The following AGO2 variants were observed in gnomAD, a reference collection of about 807,000 sequenced individuals.
AGO2 encodes protein argonaute-2.
In AGO2, 5 loss-of-function variants were observed where a neutral mutation model predicts 102.3. The observed-to-expected ratio is 0.05, with a 90% confidence interval of 0.03 to 0.10. The LOEUF (loss-of-function observed/expected upper bound fraction) is 0.10, where lower values mean the gene tolerates loss of function less well. AGO2 is among the 10% of genes least tolerant of loss of function. The pLI is 1.00. For missense variants in AGO2, 541 were observed against 1,183.7 expected, an observed-to-expected ratio of 0.46 and a Z score of 7.97; for synonymous variants, 449 against 473.1, an observed-to-expected ratio of 0.95 and a Z score of 0.66.
intron 1 of AGO2, among the ~76,000 whole-genome samples, chr8:140,585,727 G>A (rs2073645768): frequency 6.6e-6 from 1 of 152,042 alleles, no homozygotes; most frequent in South Asian, 2.1e-4. Context: ...GTTTTCAGTG[G>A]CTCCATATTA....
intron 1 of AGO2, among the ~76,000 whole-genome samples, chr8:140,633,125 A>C (rs1257659821): frequency 2.6e-5 from 4 of 152,070 alleles, no homozygotes; most frequent in East Asian, 1.9e-4. Context: ...GTTGGCCAGG[A>C]TGGTCTCGAT....
intron 1 of AGO2, among the ~76,000 whole-genome samples, chr8:140,626,320 A>G (rs2074276023): frequency 6.6e-6 from 1 of 152,196 alleles, no homozygotes; most frequent in Non-Finnish European, 1.5e-5. Flanking sequence ...TATCAGAGAT[A>G]AGCCTTTTTA....
intron 4 of AGO2, among the ~76,000 whole-genome samples, chr8:140,561,260 C>A (rs970039135): frequency 6.6e-6 from 1 of 152,262 alleles, no homozygotes. Flanking sequence ...AGGGAAAACA[C>A]GCTGTGAGCC....
At chr8:140,558,112 G>A (rs75732615) in intron 7 of AGO2, among the ~76,000 whole-genome samples, 1,581 of 152,312 alleles carry the variant, frequency 0.01, 10 homozygotes, top group Non-Finnish European at 0.017. Context: ...TGCTCTTGCC[G>A]TAATGATGGG....
chr8:140,551,287 C>T lies in AGO2; in HGVS notation c.1403+16G>A, dbSNP rs750620698. 6.6e-7 allele frequency: 1 copy of T among 1,507,302 alleles called. No individual in the cohort carries two copies. Among genetic ancestry groups the T allele is most frequent in the Admixed American group, 2.0e-5 (1 of 51,244 alleles). The allele number at this position is 1,507,302 out of a possible 1,614,324, so 93.4% of individuals were successfully genotyped here. The stretch of plus-strand genomic sequence containing the variant: ...CAGCACCCCCAGGCCGGAGCCTCTG[C>T]CTGTGGGGGGCTTACTTCAGATGGA... On this transcript the variant is annotated intron_variant, in intron 11 of 18. Transcript: ENST00000220592.
intron 1 of AGO2, among the ~76,000 whole-genome samples, chr8:140,618,870 G>T (rs982807377): frequency 8.7e-5 from 13 of 149,004 alleles, no homozygotes; most frequent in East Asian, 2.0e-4. Context: ...ATTACAGGTG[G>T]TTTTTTTTTT....
At chr8:140,569,504 A>G (rs1307311953) in intron 3 of AGO2, among the ~76,000 whole-genome samples, 3 of 152,226 alleles carry the variant, frequency 2.0e-5, no homozygotes, top group African/African-American at 7.2e-5. Context: ...GTTCCTAAAC[A>G]GTGCTCCTTC....
chr8:140,577,132 C>T (rs929206548), intron 2 of AGO2, among the ~76,000 whole-genome samples: 18 of 139,860 alleles, frequency 1.3e-4, no homozygotes, highest in Admixed American at 2.5e-4. Context: ...GGCGTGAACC[C>T]GGGAGGCGGA....
chr8:140,597,495 G>A (rs1427733524), intron 1 of AGO2, among the ~76,000 whole-genome samples: 5 of 23,108 alleles, frequency 2.2e-4, no homozygotes, highest in Admixed American at 8.7e-4. Context: ...CCCGCCCCAG[G>A]CCTCCCTGCC....
intron 1 of AGO2, among the ~76,000 whole-genome samples, chr8:140,600,700 A>C (rs1165462000): frequency 1.3e-5 from 2 of 150,540 alleles, no homozygotes; most frequent in East Asian, 3.9e-4. Context: ...AAAAAATCCA[A>C]AACACGCTCT....
In AGO2 at chr8:140,620,985, C is replaced by T. The variant is rs1405344266; in HGVS notation, c.22+14500G>A. Among the ~76,000 whole-genome samples the T allele has an allele frequency of 2.6e-5, 4 of 152,304 alleles. No homozygotes were observed. The East Asian group carries it at 7.7e-4, about 29-fold the overall frequency. On this transcript the variant is annotated intron_variant, in intron 1 of 18. Coordinates refer to ENST00000220592, the MANE Select transcript of AGO2 (RefSeq NM_012154.5). ...CTGGAGTGCAATGGCATGATCACAG[C>T]TCACTGCAGCCTGGACCCCTGGGTT...
chr8:140,633,235 A>G (rs2074363649), intron 1 of AGO2, among the ~76,000 whole-genome samples: 1 of 152,232 alleles, frequency 6.6e-6, no homozygotes, highest in South Asian at 2.1e-4. Flanking sequence ...TATAAGATTA[A>G]AAAGAGTCTC....
chr8:140,619,269 C>T (rs1246950881), intron 1 of AGO2, among the ~76,000 whole-genome samples: 1 of 152,230 alleles, frequency 6.6e-6, no homozygotes, highest in Non-Finnish European at 1.5e-5. Context: ...ACGGGCAACA[C>T]CAGGAACAGC....
chr8:140,586,734 A>G (rs1292949960), intron 1 of AGO2, among the ~76,000 whole-genome samples: 1 of 152,170 alleles, frequency 6.6e-6, no homozygotes, highest in African/African-American at 2.4e-5. Flanking sequence ...TCTACGCCAC[A>G]CCGGAGTAGA....
chr8:140,633,755 C>A (rs567538783), intron 1 of AGO2, among the ~76,000 whole-genome samples: 1 of 152,310 alleles, frequency 6.6e-6, no homozygotes, highest in Admixed American at 6.5e-5. Flanking sequence ...GGAAGTCGGA[C>A]CGATTGTCCT....
intron 14 of AGO2, 85 bp downstream of exon 14, chr8:140,544,128 C>T: frequency 1.4e-6 from 2 of 1,420,332 alleles, no homozygotes; most frequent in Non-Finnish European, 1.9e-6. Flanking sequence ...TCAGGAAGGA[C>T]CCCTGGCCAC....
chr8:140,615,200 G>A (rs1474914284), intron 1 of AGO2, among the ~76,000 whole-genome samples: 3 of 152,204 alleles, frequency 2.0e-5, no homozygotes, highest in East Asian at 1.9e-4. Flanking sequence ...GCAGTGAGCC[G>A]AGATCGTGCC....
chr8:140,629,921 G>C (rs986571622), intron 1 of AGO2, among the ~76,000 whole-genome samples: 5 of 148,908 alleles, frequency 3.4e-5, no homozygotes, highest in African/African-American at 1.2e-4. Flanking sequence ...GCGAGGGGAG[G>C]GGAGCGGAGG....
chr8:140,571,965 C>T (rs1392455038), intron 3 of AGO2, among the ~76,000 whole-genome samples: 1 of 152,178 alleles, frequency 6.6e-6, no homozygotes, highest in African/African-American at 2.4e-5. Context: ...AACTCCTGAT[C>T]TTGTGATCCG....
Sources: gnomAD v4.1 joint callset for allele counts (sites outside exome capture counted in the v4.1 genomes callset) on GRCh38, gnomAD v4.1.1 for gene constraint, MANE v1.5 for transcripts, NCBI Gene and HGNC (gene_info 2026-07-23, HGNC 2026-07-21) for gene names.